RAD50: variants seen among roughly 807,000 people sequenced by gnomAD.
RAD50 encodes the protein RAD50 double strand break repair protein.
In RAD50, 132 loss-of-function variants were observed where a neutral mutation model predicts 168.8. The observed-to-expected ratio is 0.78, with a 90% CI of 0.68 to 0.90. The LOEUF is 0.90. RAD50 is among the 40% of genes least tolerant of loss of function. The pLI, the probability that RAD50 is intolerant of heterozygous loss-of-function variation, is 0.00. For missense variants in RAD50, 1,347 were observed against 1,534.4 expected (o/e 0.88, Z 2.04); for synonymous variants, 525 against 497.4 (o/e 1.06, Z -0.74).
chr5:132,604,021 A>G lies in RAD50; in HGVS notation c.2499A>G (p.Gln833=), dbSNP rs1040611482. Residue 833 remains glutamine, a synonymous_variant, in exon 15 of 25, where the codon CAA becomes CAG. Transcript: ENST00000378823. The stretch of plus-strand genomic sequence containing the variant: ...TCCAACAAGTCAACCAGGAGAAACA[A>G]GAGAAACAGCACAAGTTAGACACAG... ...RTVQQVNQEK[Q]EKQHKLDTVS... 4.3e-6 allele frequency: 7 copies of G among 1,613,632 alleles called. No homozygotes were observed. Among genetic ancestry groups the G allele is most frequent in the Non-Finnish European group, 5.9e-6 (7 of 1,179,776 alleles).
At chr5:132,624,065 A>T (rs1165225540) in intron 21 of RAD50, among the ~76,000 whole-genome samples, 3 of 152,228 alleles carry the variant, frequency 2.0e-5, no homozygotes, top group African/African-American at 7.2e-5. Flanking sequence ...GATTTTTGTT[A>T]GATTAAGTTT....
At position 132,622,451 on chromosome 5, in the gene RAD50, G is replaced by A. The variant is rs1023472034; in HGVS notation, c.3389+4157G>A. Among the ~76,000 whole-genome samples, 3 of 152,112 alleles carry A rather than the reference G, an allele frequency of 2.0e-5. No homozygotes were observed. In the East Asian group the frequency reaches 5.8e-4, roughly 29 times the overall value. On this transcript the variant is annotated intron_variant, in intron 21 of 24. Transcript: ENST00000378823. ...TAGGATTACAGATGCGAGCCACTGC[G>A]CCAGGCCTATGATGTATTTTCTTCC...
At chr5:132,635,929 AAT>A (rs1272163037) in intron 21 of RAD50, among the ~76,000 whole-genome samples, 2 of 152,174 alleles carry the variant, frequency 1.3e-5, no homozygotes, top group Non-Finnish European at 2.9e-5. Context: ...CAACAAGCAG[AAT>A]ATGGTTTTTT....
intron 19 of RAD50, among the ~76,000 whole-genome samples, chr5:132,612,042 A>G (rs1751097560): frequency 6.6e-6 from 1 of 152,186 alleles, no homozygotes; most frequent in Non-Finnish European, 1.5e-5. Context: ...TTGAAAACAT[A>G]TGTTCCCACA....
At position 132,605,242 on chromosome 5, in the gene RAD50, G is replaced by A. The variant is rs1240907854; in HGVS notation, c.2718+243G>A. Among the ~76,000 whole-genome samples, 7 of 150,494 alleles carry A rather than the reference G, an allele frequency of 4.7e-5. No homozygotes were observed. The East Asian group carries it at 6.0e-4, about 13-fold the overall frequency. Reference sequence around the variant, plus strand: ...GTTCTTTTAGTAGAGACGGGTTTTCGCCATTGGACAAGCTGGTTTCAAACT... The same window carrying A: ...GTTCTTTTAGTAGAGACGGGTTTTCACCATTGGACAAGCTGGTTTCAAACT... On this transcript the variant is annotated intron_variant, in intron 16 of 24. Transcript: ENST00000378823.
rs1414554871 is a variant in RAD50, at chr5:132,643,156, G to C, written c.*792G>C. ...TGCGTCTATCCTGTGTAGCATACTG[G>C]CTTCACCATCAATCCTGATTCCTCT... On this transcript the variant is annotated 3_prime_UTR_variant, in exon 25 of 25. Coordinates refer to ENST00000378823, the MANE Select transcript of RAD50 (RefSeq NM_005732.4). 4.3e-6 allele frequency: 2 copies of C among 469,714 alleles called. No homozygotes were observed. The highest frequency in any genetic ancestry group is 4.3e-5 in the East Asian group (1 of 23,016). The allele number at this position is 469,714 out of a possible 1,614,324, so 29.1% of individuals were successfully genotyped here. A position where few individuals can be genotyped will look rare whatever the true frequency, so the allele number is the denominator to read the frequency against.
At chr5:132,577,802 ATTTTTTTT>A (rs923754085) in intron 3 of RAD50, among the ~76,000 whole-genome samples, 4 of 84,380 alleles carry the variant, frequency 4.7e-5, no homozygotes, top group African/African-American at 1.8e-4. Context: ...CCCATTTCTG[ATTTTTTTT>A]TTTTTTTTTT....
intron 21 of RAD50, among the ~76,000 whole-genome samples, chr5:132,619,207 T>A (rs1751230918): frequency 6.6e-6 from 1 of 152,226 alleles, no homozygotes; most frequent in Non-Finnish European, 1.5e-5. Context: ...GTTATATTTG[T>A]GGGAGTGCAT....
chr5:132,599,619 T>C (rs1170299207), intron 13 of RAD50, among the ~76,000 whole-genome samples: 1 of 152,136 alleles, frequency 6.6e-6, no homozygotes, highest in Non-Finnish European at 1.5e-5. Flanking sequence ...AGTGGTGTGA[T>C]TGATTATAGC....
At chr5:132,613,689 C>T (rs1446622259) in intron 19 of RAD50, among the ~76,000 whole-genome samples, 2 of 148,330 alleles carry the variant, frequency 1.3e-5, no homozygotes, top group Non-Finnish European at 3.0e-5. Flanking sequence ...CTGCAACATT[C>T]GCCTCCCGGG....
chr5:132,570,125 G>A (rs1193177271), intron 2 of RAD50, among the ~76,000 whole-genome samples: 2 of 152,170 alleles, frequency 1.3e-5, no homozygotes, highest in East Asian at 1.9e-4. Context: ...ACTGATGGAG[G>A]AATATTAATT....
intron 3 of RAD50, among the ~76,000 whole-genome samples, chr5:132,579,000 C>T (rs1026760517): frequency 1.3e-5 from 2 of 152,080 alleles, no homozygotes; most frequent in African/African-American, 4.8e-5. Context: ...TATTCTTTGT[C>T]TCTTATTTTT....
intron 2 of RAD50, among the ~76,000 whole-genome samples, chr5:132,563,402 A>C (rs986977996): frequency 5.3e-5 from 8 of 152,252 alleles, no homozygotes; most frequent in Non-Finnish European, 1.2e-4. Context: ...TGAAAGAATG[A>C]GTAAGTTCTC....
rs1413351666 is a variant in RAD50, at chr5:132,643,496, A to G, written c.*1132A>G. 2 of 230,940 alleles carry G rather than the reference A, an allele frequency of 8.7e-6. No homozygotes were observed. The highest frequency in any genetic ancestry group is 1.7e-5 in the Non-Finnish European group (2 of 115,586). 14.3% of individuals were successfully genotyped at this position (230,940 alleles called of 1,614,324 possible). ...GCATGGTTTTGTGCCATCTGTAGCT[A>G]TAATGAGCATGTTTGCCTAGACAGC... On this transcript the variant is annotated 3_prime_UTR_variant, in exon 25 of 25. Transcript: ENST00000378823.
At chr5:132,569,519 A>T (rs761963341) in intron 2 of RAD50, among the ~76,000 whole-genome samples, 3 of 151,942 alleles carry the variant, frequency 2.0e-5, no homozygotes, top group Admixed American at 1.3e-4. Flanking sequence ...GGAGAAATAC[A>T]CAAATCTGCA....
chr5:132,620,927 T>G (rs982011018), intron 21 of RAD50, among the ~76,000 whole-genome samples: 2 of 152,084 alleles, frequency 1.3e-5, no homozygotes, highest in Non-Finnish European at 2.9e-5. Context: ...CATAAAGGTC[T>G]TCATCCTTGT....
At chr5:132,631,264 G>A (rs752018441) in intron 21 of RAD50, among the ~76,000 whole-genome samples, 1 of 151,852 alleles carries the variant, frequency 6.6e-6, no homozygotes, top group Admixed American at 6.6e-5. Context: ...GGGATTACAG[G>A]TGCCCACCAC....
intron 5 of RAD50, among the ~76,000 whole-genome samples, chr5:132,586,105 G>A (rs1402113361): frequency 1.3e-5 from 2 of 152,124 alleles, no homozygotes; most frequent in Non-Finnish European, 2.9e-5. Flanking sequence ...TCCTCTAAAA[G>A]TTTTATAGTT....
chr5:132,619,960 A>G (rs1230051763), intron 21 of RAD50, among the ~76,000 whole-genome samples: 1 of 148,722 alleles, frequency 6.7e-6, no homozygotes, highest in Admixed American at 6.7e-5. Context: ...GCTGGAGTGC[A>G]GTGGCGCCAT....
Sources: allele counts gnomAD v4.1 joint callset (sites outside exome capture counted in the v4.1 genomes callset), GRCh38; gene constraint gnomAD v4.1.1; transcripts MANE v1.5; gene names NCBI Gene and HGNC (gene_info 2026-07-23, HGNC 2026-07-21).